The following SNTG2 variants were observed in gnomAD, a reference collection of about 807,000 sequenced individuals.
SNTG2 encodes syntrophin gamma 2.
Under a neutral mutation model 70.9 loss-of-function variants are expected in SNTG2, and 74 were observed. That is an observed-to-expected ratio of 1.04 (90% CI 0.86 to 1.27). SNTG2 has a LOEUF of 1.27. Ranked by LOEUF, SNTG2 falls within the 50% of genes most tolerant of loss-of-function variation. The pLI, the probability that SNTG2 is intolerant of heterozygous loss-of-function variation, is 0.00. For missense variants in SNTG2, 717 were observed against 690.7 expected (o/e 1.04, Z -0.43); for synonymous variants, 278 against 273.8 (o/e 1.02, Z -0.15).
chr2:1,097,799 C>T lies in SNTG2; in HGVS notation c.211-397C>T, dbSNP rs1012150474. Among the ~76,000 whole-genome samples, 3 of 151,964 alleles carry T rather than the reference C, an allele frequency of 2.0e-5. No individual in the cohort carries two copies. Among genetic ancestry groups the T allele is most frequent in the African/African-American group, 7.2e-5 (3 of 41,382 alleles). The stretch of plus-strand genomic sequence containing the variant: ...ACGTACAGTGAAGCGTGAGCCGGTC[C>T]TGGGGTTGGTGGGTAGAGAGCGGTT... On this transcript the variant is annotated intron_variant, in intron 2 of 16. Coordinates refer to ENST00000308624, the MANE Select transcript of SNTG2 (RefSeq NM_018968.4). This position sits in a 1 kb window ranked among gnomAD's most constrained non-coding sequence, Gnocchi z 4.1.
At chr2:1,257,539 C>G (rs573285309) in intron 12 of SNTG2, among the ~76,000 whole-genome samples, 6 of 152,322 alleles carry the variant, frequency 3.9e-5, no homozygotes, top group African/African-American at 1.4e-4. Flanking sequence ...AGAGACTAGA[C>G]CTGCTTCTGC....
intron 1 of SNTG2, among the ~76,000 whole-genome samples, chr2:980,133 A>G (rs920424536): frequency 6.6e-6 from 1 of 152,162 alleles, no homozygotes; most frequent in Non-Finnish European, 1.5e-5. Flanking sequence ...CCAAATTACC[A>G]TCCTCCTTAT....
At chr2:970,907 A>G (rs1408587739) in intron 1 of SNTG2, among the ~76,000 whole-genome samples, 3 of 152,198 alleles carry the variant, frequency 2.0e-5, no homozygotes, top group African/African-American at 4.8e-5. Context: ...AATGCTCACC[A>G]TCACTGGCCA....
chr2:1,266,309 G>C (rs184666387), intron 13 of SNTG2, among the ~76,000 whole-genome samples: 1 of 152,272 alleles, frequency 6.6e-6, no homozygotes, highest in East Asian at 1.9e-4. Flanking sequence ...TTCTGCCCTT[G>C]ATAAAATGAA....
chr2:1,067,463 A>G (rs1241147671), intron 1 of SNTG2, among the ~76,000 whole-genome samples: 1 of 152,238 alleles, frequency 6.6e-6, no homozygotes, highest in Non-Finnish European at 1.5e-5. Context: ...CATGGAAAGG[A>G]TAAAATACAT....
At chr2:1,086,816 A>G (rs1274938132) in intron 2 of SNTG2, among the ~76,000 whole-genome samples, 1 of 152,160 alleles carries the variant, frequency 6.6e-6, no homozygotes, top group Non-Finnish European at 1.5e-5. Flanking sequence ...AGGGGCTATA[A>G]AAAGTCATCC....
chr2:1,049,515 G>A (rs1377130793), intron 1 of SNTG2, among the ~76,000 whole-genome samples: 3 of 152,088 alleles, frequency 2.0e-5, no homozygotes, highest in Non-Finnish European at 2.9e-5. Flanking sequence ...ATGCTAAATC[G>A]TATTGTCTGG....
intron 1 of SNTG2, among the ~76,000 whole-genome samples, chr2:951,824 A>C (rs1488078341): frequency 1.3e-5 from 2 of 152,142 alleles, no homozygotes; most frequent in Non-Finnish European, 2.9e-5. Flanking sequence ...GAGGCTGCCG[A>C]GAAGCGCGGC....
intron 16 of SNTG2, among the ~76,000 whole-genome samples, chr2:1,361,105 T>C (rs4408763): frequency 0.72 from 109,657 of 151,996 alleles, 39,851 homozygotes; most frequent in East Asian, 0.94. Flanking sequence ...CAGTGCTTTT[T>C]CTAGCTTTGC....
At chr2:1,254,441 A>G (rs1677933224) in intron 12 of SNTG2, among the ~76,000 whole-genome samples, 1 of 152,256 alleles carries the variant, frequency 6.6e-6, no homozygotes, top group African/African-American at 2.4e-5. Context: ...ATAAGTTATA[A>G]AGTCAATTTT....
At chr2:1,149,313 A>G (rs1188860209) in intron 6 of SNTG2, among the ~76,000 whole-genome samples, 3 of 152,122 alleles carry the variant, frequency 2.0e-5, no homozygotes. Flanking sequence ...GAATTGCCCC[A>G]TAGCTGAGCT....
chr2:1,191,949 G>T lies in SNTG2; in HGVS notation c.592-17154G>T, dbSNP rs563201096. ...AAATACAAATATTTAAAATGTAGCT[G>T]ATAGAAAAGTTGATAGACATTTAAG... is the stretch of plus-strand genomic sequence containing the variant. On this transcript the variant is annotated intron_variant, in intron 8 of 16. Coordinates refer to ENST00000308624, the MANE Select transcript of SNTG2 (RefSeq NM_018968.4). 1.1e-4 allele frequency among the ~76,000 whole-genome samples: 16 copies of T among 152,144 alleles called. No individual in the cohort carries two copies. In the South Asian group the frequency reaches 3.3e-3, roughly 32 times the overall value.
chr2:1,161,893 T>A (rs888640546), intron 6 of SNTG2, among the ~76,000 whole-genome samples: 1 of 151,762 alleles, frequency 6.6e-6, no homozygotes, highest in Non-Finnish European at 1.5e-5. Flanking sequence ...GCTAACACGG[T>A]GAAACCCCGT....
At chr2:1,050,454 T>G (rs908288835) in intron 1 of SNTG2, among the ~76,000 whole-genome samples, 2 of 152,032 alleles carry the variant, frequency 1.3e-5, no homozygotes, top group Admixed American at 6.5e-5. Flanking sequence ...AATACCACAT[T>G]TATCACAAAT....
intron 9 of SNTG2, among the ~76,000 whole-genome samples, chr2:1,233,346 C>T (rs1259362709): frequency 2.0e-5 from 3 of 152,088 alleles, no homozygotes; most frequent in Non-Finnish European, 4.4e-5. Flanking sequence ...GATTGGTTTC[C>T]GCTGAAACAG....
chr2:1,292,527 T>C (rs773463045), intron 14 of SNTG2, among the ~76,000 whole-genome samples: 1 of 152,220 alleles, frequency 6.6e-6, no homozygotes, highest in African/African-American at 2.4e-5. Context: ...ACCCAATTTC[T>C]AGTTTGTTGG....
At chr2:1,038,633 A>G (rs1661264054) in intron 1 of SNTG2, among the ~76,000 whole-genome samples, 1 of 152,260 alleles carries the variant, frequency 6.6e-6, no homozygotes. Flanking sequence ...GAGAGGATTT[A>G]TCTTCTAAAG....
chr2:1,065,268 C>T (rs964103079), intron 1 of SNTG2, among the ~76,000 whole-genome samples: 4 of 152,094 alleles, frequency 2.6e-5, no homozygotes, highest in Admixed American at 6.5e-5. Flanking sequence ...GACCCTTCAC[C>T]ACAAGGCATC....
chr2:1,259,434 T>G lies in SNTG2; in HGVS notation c.1070T>G (p.Val357Gly). The part of the protein sequence containing the change: ...TYHLCEVLFK[V>G]HKFWLTEDCW... ...CACCTCTGTGAGGTGCTATTTAAAG[T>G]TCACAAGGTAGGTATCTTTTGCACT... Residue 357 changes from valine to glycine, a missense_variant, in exon 13 of 17, where the codon GTT becomes GGT. By Grantham distance (109) the Val-to-Gly change is moderately radical. Transcript: ENST00000308624. The G allele has an allele frequency of 6.2e-7, 1 of 1,613,862 alleles. No individual in the cohort carries two copies. The highest frequency in any genetic ancestry group is 8.5e-7 in the Non-Finnish European group (1 of 1,179,768).
Sources: gnomAD v4.1 joint callset for allele counts (sites outside exome capture counted in the v4.1 genomes callset) on GRCh38, gnomAD v4.1.1 for gene constraint, Gnocchi (gnomAD v3.1) non-coding constraint, MANE v1.5 for transcripts, NCBI Gene and HGNC (gene_info 2026-07-23, HGNC 2026-07-21) for gene names.